NT5C3A: variants seen among roughly 807,000 people sequenced by gnomAD.
NT5C3A encodes 5'-nucleotidase, cytosolic IIIA, also known as cytosolic 5'-nucleotidase 3A.
A neutral mutation model predicts 40.0 loss-of-function variants in NT5C3A; 23 were observed. That is an observed-to-expected ratio of 0.58 (90% CI 0.41 to 0.81). NT5C3A has a LOEUF of 0.81. NT5C3A is among the 40% of genes least tolerant of loss of function. NT5C3A has a pLI of 0.00. For missense variants in NT5C3A, 328 were observed against 403.0 expected, an observed-to-expected ratio of 0.81 and a Z score of 1.59; for synonymous variants, 130 against 141.4, an observed-to-expected ratio of 0.92 and a Z score of 0.57.
chr7:33,033,627 C>T (rs1356695356), intron 1 of NT5C3A, among the ~76,000 whole-genome samples: 1 of 152,048 alleles, frequency 6.6e-6, no homozygotes, highest in Non-Finnish European at 1.5e-5. Context: ...ACAAAGATTT[C>T]TTCTTCTGGG....
chr7:33,048,085 T>C (rs1787225672), intron 1 of NT5C3A, among the ~76,000 whole-genome samples: 1 of 152,154 alleles, frequency 6.6e-6, no homozygotes, highest in Non-Finnish European at 1.5e-5. Context: ...AAATGACATT[T>C]ATGTTGCAAT....
chr7:33,054,443 G>A (rs775740628), intron 1 of NT5C3A, among the ~76,000 whole-genome samples: 66 of 151,996 alleles, frequency 4.3e-4, no homozygotes, highest in Non-Finnish European at 5.9e-4. Context: ...CCACAGCCAT[G>A]AATCATTATG....
rs1785404656 is a variant in NT5C3A, at chr7:33,017,539, G to A, written c.593C>T (p.Ser198Leu). The change falls in exon 7 of 9, where the codon TCG becomes TTG. Residue 198 changes from serine to leucine, a missense_variant. Ser to Leu is a moderately radical substitution (Grantham distance 145, BLOSUM62 -2). Coordinates refer to ENST00000610140, the MANE Select transcript of NT5C3A (RefSeq NM_001002010.5). ...QQHSIPVFIF[S>L]AGIGDVLEEV... ...CTCTAGTACATCGCCGATTCCAGCC[G>A]AAAATATGAACACGGGGATGCTATG... 4 of 1,613,606 alleles carry A rather than the reference G, an allele frequency of 2.5e-6. No homozygotes were observed. Among genetic ancestry groups the A allele is most frequent in the Non-Finnish European group, 3.4e-6 (4 of 1,179,528 alleles).
At chr7:33,026,378 C>G (rs578057189) in intron 2 of NT5C3A, among the ~76,000 whole-genome samples, 27 of 84,656 alleles carry the variant, frequency 3.2e-4, no homozygotes, top group African/African-American at 1.1e-3. Context: ...AAAAAAGAAG[C>G]CTTTATTATT....
intron 1 of NT5C3A, among the ~76,000 whole-genome samples, chr7:33,034,094 T>C (rs952859536): frequency 6.6e-6 from 1 of 151,918 alleles, no homozygotes; most frequent in African/African-American, 2.4e-5. Context: ...GGTTTCACCA[T>C]GTTAGCCAGG....
chr7:33,062,492 G>A, intron 1 of NT5C3A, 76 bp downstream of exon 1: 2 of 1,366,416 alleles, frequency 1.5e-6, no homozygotes, highest in Non-Finnish European at 2.1e-6. Context: ...CAGCGGCCCA[G>A]CACAGGCTGC....
At chr7:33,042,144 C>G (rs1331085628) in intron 1 of NT5C3A, among the ~76,000 whole-genome samples, 1 of 152,076 alleles carries the variant, frequency 6.6e-6, no homozygotes, top group East Asian at 1.9e-4. Context: ...CGAGACCAAC[C>G]TGGCTAACAT....
chr7:33,021,215 C>A, intron 5 of NT5C3A, 57 bp downstream of exon 5: 2 of 1,603,580 alleles, frequency 1.2e-6, no homozygotes, highest in Middle Eastern at 1.7e-4. Context: ...TCAGTTGTAA[C>A]TGCAGTGTTG....
chr7:33,016,391 G>T (rs1180131125), intron 7 of NT5C3A, among the ~76,000 whole-genome samples: 1 of 151,190 alleles, frequency 6.6e-6, no homozygotes, highest in African/African-American at 2.4e-5. Context: ...AAAAAAGAAG[G>T]CCGGGCACAG....
At chr7:33,016,754 T>C (rs1247553167) in intron 7 of NT5C3A, among the ~76,000 whole-genome samples, 1 of 152,158 alleles carries the variant, frequency 6.6e-6, no homozygotes. Context: ...AAATATCCTA[T>C]TTTATGTTAT....
Position 33,044,487 on chromosome 7 carries a change from T to C in NT5C3A, c.139-17572A>G, listed in dbSNP as rs377113208. ...AATGGACTTTCACCTCTGTACACAA[T>C]AAATGGGGCCTGTTGCCTTGGAGTT... is the stretch of plus-strand genomic sequence containing the variant. On this transcript the variant is annotated intron_variant, in intron 1 of 8. Coordinates refer to ENST00000610140, the MANE Select transcript of NT5C3A (RefSeq NM_001002010.5). 2.5e-4 allele frequency among the ~76,000 whole-genome samples: 38 copies of C among 152,250 alleles called. No homozygotes were observed. The East Asian group carries it at 6.2e-3, about 25-fold the overall frequency.
At chr7:33,060,761 A>G (rs2128022349) in intron 1 of NT5C3A, among the ~76,000 whole-genome samples, 1 of 152,218 alleles carries the variant, frequency 6.6e-6, no homozygotes, top group South Asian at 2.1e-4. Context: ...GCAGACCTAC[A>G]TTATTACAGA....
intron 3 of NT5C3A, among the ~76,000 whole-genome samples, chr7:33,022,355 T>C (rs374355433): frequency 7.9e-5 from 12 of 152,340 alleles, no homozygotes; most frequent in East Asian, 1.9e-4. Flanking sequence ...ATCACTGAGA[T>C]AGACAATTCA....
rs149865306 is a variant in NT5C3A at position 33,038,007 on chromosome 7, T to C, written c.139-11092A>G. The stretch of plus-strand genomic sequence containing the variant: ...CAGATTTTTAACAAACAAGATATTA[T>C]AGAAGCTGCATGCAAGTCTATTTCT... On this transcript the variant is annotated intron_variant, in intron 1 of 8. Coordinates refer to ENST00000610140, the MANE Select transcript of NT5C3A (RefSeq NM_001002010.5). Among the ~76,000 whole-genome samples, 404 of 152,272 alleles carry C rather than the reference T, an allele frequency of 2.7e-3. 1 individual carries two copies. Among genetic ancestry groups the C allele is most frequent in the African/African-American group, 9.4e-3 (392 of 41,582 alleles).
chr7:33,029,620 A>G (rs1786135675), intron 1 of NT5C3A: 1 of 1,275,808 alleles, frequency 7.8e-7, no homozygotes, highest in Non-Finnish European at 1.0e-6. Context: ...TGTACCCAAG[A>G]TGTCTTACCT....
intron 1 of NT5C3A, among the ~76,000 whole-genome samples, chr7:33,051,305 A>G (rs1021188548): frequency 6.6e-6 from 1 of 152,026 alleles, no homozygotes; most frequent in Non-Finnish European, 1.5e-5. Context: ...CAGGGATTAC[A>G]GGCATCTGCC....
intron 1 of NT5C3A, among the ~76,000 whole-genome samples, chr7:33,041,622 A>G (rs988521289): frequency 9.2e-5 from 14 of 152,186 alleles, no homozygotes; most frequent in African/African-American, 3.4e-4. Flanking sequence ...ATTTTCTTAT[A>G]CTTTTAATAA....
chr7:33,028,301 A>C (rs1336323737), intron 1 of NT5C3A, among the ~76,000 whole-genome samples: 2 of 152,238 alleles, frequency 1.3e-5, no homozygotes, highest in Admixed American at 6.5e-5. Context: ...CTACAGAGTT[A>C]TGAAGACTTT....
intron 1 of NT5C3A, among the ~76,000 whole-genome samples, chr7:33,054,349 G>A (rs1202863434): frequency 1.0e-5 from 1 of 98,208 alleles, no homozygotes; most frequent in East Asian, 2.9e-4. Context: ...GTAAGACCCT[G>A]CCTCAAAAAA....
Sources: allele counts gnomAD v4.1 joint callset (sites outside exome capture counted in the v4.1 genomes callset), GRCh38; gene constraint gnomAD v4.1.1; transcripts MANE v1.5; gene names NCBI Gene and HGNC (gene_info 2026-07-23, HGNC 2026-07-21).